Variants in RIMS2 observed in about 807,000 individuals in gnomAD.
RIMS2 encodes the protein regulating synaptic membrane exocytosis 2, also known as regulating synaptic membrane exocytosis protein 2.
A neutral mutation model predicts 174.4 loss-of-function variants in RIMS2; 59 were observed. That is an observed-to-expected ratio of 0.34 (90% CI 0.27 to 0.42). The LOEUF (loss-of-function observed/expected upper bound fraction) is 0.42, where lower values mean the gene tolerates loss of function less well. RIMS2 is among the 10% of genes least tolerant of loss of function. RIMS2 has a pLI of 1.00. For missense variants in RIMS2, 1,620 were observed against 1,666.3 expected (o/e 0.97, Z 0.48); for synonymous variants, 606 against 572.5 (o/e 1.06, Z -0.84).
rs2098644607 is a variant in RIMS2 at position 104,146,852 on chromosome 8, A to G, written c.3335-98064A>G. Among the ~76,000 whole-genome samples, 3 of 152,124 alleles carry G rather than the reference A, an allele frequency of 2.0e-5. No individual in the cohort carries two copies. The South Asian group carries it at 6.2e-4, about 32-fold the overall frequency. On this transcript the variant is annotated intron_variant, in intron 19 of 23. Coordinates refer to ENST00000504942, the Ensembl canonical transcript of RIMS2. ...GCTGGGACTACAGGCATGTGCCACC[A>G]TGCCTGGCTAATTTTTTACTTTTTT... is the stretch of plus-strand genomic sequence containing the variant.
intron 1 of RIMS2, among the ~76,000 whole-genome samples, chr8:103,564,326 G>T (rs13250891): frequency 0.12 from 17,656 of 152,106 alleles, 1,363 homozygotes; most frequent in Non-Finnish European, 0.17. Context: ...TTTTATTCCA[G>T]CCATCTGTCA....
intron 1 of RIMS2, among the ~76,000 whole-genome samples, chr8:103,613,131 G>A (rs1028814558): frequency 1.3e-5 from 2 of 152,194 alleles, no homozygotes; most frequent in Admixed American, 6.5e-5. Context: ...CTTCAGGGTG[G>A]TGCATTTTCC....
chr8:104,096,702 T>C (rs554958915), intron 19 of RIMS2, among the ~76,000 whole-genome samples: 61 of 152,122 alleles, frequency 4.0e-4, no homozygotes, highest in Middle Eastern at 3.4e-3. Context: ...ACCCCATCTC[T>C]ACTAAAAGTA....
chr8:104,246,257 A>G (rs1028393965), intron 20 of RIMS2, among the ~76,000 whole-genome samples: 45 of 152,176 alleles, frequency 3.0e-4, no homozygotes, highest in Non-Finnish European at 5.7e-4. Flanking sequence ...GAGGGAGTAA[A>G]TCTCCATGGC....
intron 1 of RIMS2, among the ~76,000 whole-genome samples, chr8:103,570,202 G>C (rs1040413765): frequency 2.7e-4 from 41 of 152,066 alleles, no homozygotes; most frequent in Non-Finnish European, 5.1e-4. Flanking sequence ...CTGTTTTGTT[G>C]TTGTAGGTTT....
intron 3 of RIMS2, among the ~76,000 whole-genome samples, chr8:103,829,571 T>C (rs895965581): frequency 1.3e-5 from 2 of 151,924 alleles, no homozygotes; most frequent in African/African-American, 4.8e-5. Context: ...ATAGATCGAG[T>C]TGGAGGCCAT....
At chr8:103,809,106 T>C (rs969889240) in intron 3 of RIMS2, among the ~76,000 whole-genome samples, 9 of 152,278 alleles carry the variant, frequency 5.9e-5, no homozygotes, top group African/African-American at 2.2e-4. Flanking sequence ...GATTTCTCCC[T>C]GAATTGGCCT....
intron 19 of RIMS2, among the ~76,000 whole-genome samples, chr8:104,203,226 AT>A (rs1439075241): frequency 2.6e-5 from 4 of 152,286 alleles, no homozygotes; most frequent in African/African-American, 9.6e-5. Context: ...AAATTAATAT[AT>A]TTTTATACCA....
At position 103,876,576 on chromosome 8, in the gene RIMS2, T is replaced by C. The variant is rs1257681140; in HGVS notation, c.699-8722T>C. Among the ~76,000 whole-genome samples the C allele has an allele frequency of 3.3e-5, 5 of 151,214 alleles. No homozygotes were observed. In the East Asian group the frequency reaches 9.9e-4, roughly 30 times the overall value. On this transcript the variant is annotated intron_variant, in intron 3 of 23. Transcript: ENST00000504942. ...AGCAGTATACACTGAACCCAACTTGTAGCCTTTTATCCCTCACCCCCTTCC... is the reference window on the plus strand; with the variant it reads ...AGCAGTATACACTGAACCCAACTTGCAGCCTTTTATCCCTCACCCCCTTCC...
chr8:103,913,621 T>G (rs2076146118), intron 6 of RIMS2, among the ~76,000 whole-genome samples: 1 of 152,114 alleles, frequency 6.6e-6, no homozygotes, highest in African/African-American at 2.4e-5. Flanking sequence ...CAGCTCATAG[T>G]TCTGCAGGCT....
At chr8:103,553,229 A>G (rs905679939) in intron 1 of RIMS2, among the ~76,000 whole-genome samples, 1 of 152,242 alleles carries the variant, frequency 6.6e-6, no homozygotes, top group African/African-American at 2.4e-5. Flanking sequence ...GGATTAAGAA[A>G]ATGTGGCTCA....
intron 1 of RIMS2, among the ~76,000 whole-genome samples, chr8:103,646,344 C>T (rs898389526): frequency 6.6e-6 from 1 of 151,962 alleles, no homozygotes; most frequent in Non-Finnish European, 1.5e-5. Flanking sequence ...CCTAATTTTT[C>T]GTATCATATG....
At chr8:104,200,630 C>T (rs1191332141) in intron 19 of RIMS2, among the ~76,000 whole-genome samples, 2 of 152,162 alleles carry the variant, frequency 1.3e-5, no homozygotes, top group Non-Finnish European at 2.9e-5. Context: ...AGTGAGAGGC[C>T]GGGCGTGGCG....
chr8:103,908,913 A>G (rs952832090), intron 4 of RIMS2, among the ~76,000 whole-genome samples: 75 of 152,194 alleles, frequency 4.9e-4, no homozygotes, highest in Admixed American at 4.8e-3. Flanking sequence ...AGAAAGACCT[A>G]CCTAAGTTGT....
At chr8:104,169,641 T>C (rs185983544) in intron 19 of RIMS2, among the ~76,000 whole-genome samples, 4 of 152,118 alleles carry the variant, frequency 2.6e-5, no homozygotes, top group East Asian at 3.9e-4. Flanking sequence ...TTTTGTTTTA[T>C]TTATCTTTTG....
intron 1 of RIMS2, among the ~76,000 whole-genome samples, chr8:103,592,673 T>C (rs1489801131): frequency 6.6e-6 from 1 of 151,376 alleles, no homozygotes; most frequent in Non-Finnish European, 1.5e-5. Flanking sequence ...TATTTGCTTT[T>C]TATGGTTTTT....
At chr8:104,108,459 T>G (rs868449610) in intron 19 of RIMS2, among the ~76,000 whole-genome samples, 1 of 150,728 alleles carries the variant, frequency 6.6e-6, no homozygotes, top group Non-Finnish European at 1.5e-5. Flanking sequence ...ACCTGGCTAT[T>G]TTTTTTTTAA....
intron 10 of RIMS2, among the ~76,000 whole-genome samples, chr8:103,926,696 A>G (rs2078856670): frequency 6.6e-6 from 1 of 151,544 alleles, no homozygotes; most frequent in Non-Finnish European, 1.5e-5. Context: ...AGAGACATCC[A>G]TAAGAAATGT....
chr8:103,793,041 C>T (rs983661285), intron 3 of RIMS2, among the ~76,000 whole-genome samples: 1 of 152,134 alleles, frequency 6.6e-6, no homozygotes, highest in Non-Finnish European at 1.5e-5. Context: ...GAAACTATTC[C>T]AATCAATAGA....
Sources: gnomAD v4.1 joint callset for allele counts (sites outside exome capture counted in the v4.1 genomes callset) on GRCh38, gnomAD v4.1.1 for gene constraint, MANE v1.5 for transcripts, NCBI Gene and HGNC (gene_info 2026-07-23, HGNC 2026-07-21) for gene names.